Variants in FAM53A observed in about 807,000 individuals in gnomAD.
FAM53A encodes family with sequence similarity 53 member A, also known as protein FAM53A.
Under a neutral mutation model 26.6 loss-of-function variants are expected in FAM53A, and 28 were observed. The observed-to-expected ratio is 1.05, with a 90% CI of 0.78 to 1.45. The LOEUF (loss-of-function observed/expected upper bound fraction) is 1.45, where lower values mean the gene tolerates loss of function less well. Among genes scored for constraint, FAM53A ranks in the 40% most tolerant of loss-of-function variants. The pLI, the probability that FAM53A is intolerant of heterozygous loss-of-function variation, is 0.00. For missense variants in FAM53A, 650 were observed against 575.8 expected (o/e 1.13, Z -1.32); for synonymous variants, 290 against 253.1 (o/e 1.15, Z -1.38).
intron 1 of FAM53A, among the ~76,000 whole-genome samples, chr4:1,670,375 C>T (rs151217883): frequency 8.0e-4 from 122 of 152,378 alleles, no homozygotes; most frequent in African/African-American, 2.8e-3. Flanking sequence ...AGCAGCGACG[C>T]GCACAGTGGG....
the FAM53A span, among the ~76,000 whole-genome samples, chr4:1,599,225 C>T: frequency 2.8e-5 from 4 of 144,880 alleles, no homozygotes; most frequent in Non-Finnish European, 4.6e-5. This position sits in a 1 kb window ranked among gnomAD's most constrained non-coding sequence, Gnocchi z 6.1. Flanking sequence ...GGTGCCGGAG[C>T]GCAGGGCCGT....
the FAM53A span, among the ~76,000 whole-genome samples, chr4:1,588,249 TTC>T: frequency 6.6e-6 from 1 of 152,314 alleles, no homozygotes; most frequent in Non-Finnish European, 1.5e-5. Context: ...CATTTGCAGT[TTC>T]TGTTTTCCCT....
At chr4:1,684,710 C>G (rs1335355593), upstream of FAM53A, among the ~76,000 whole-genome samples, 1 of 151,666 alleles carries the variant, frequency 6.6e-6, no homozygotes, top group African/African-American at 2.4e-5. Context: ...GGCGCGCGGT[C>G]TCGGGGCCCG....
intron 1 of FAM53A, among the ~76,000 whole-genome samples, chr4:1,677,110 C>T (rs1715098933): frequency 6.6e-6 from 1 of 152,186 alleles, no homozygotes; most frequent in South Asian, 2.1e-4. Flanking sequence ...TTGCAGCTTC[C>T]TGAGAAGGGG....
At chr4:1,636,551 C>A (rs1334214585), downstream of FAM53A, among the ~76,000 whole-genome samples, 1 of 152,268 alleles carries the variant, frequency 6.6e-6, no homozygotes, top group Non-Finnish European at 1.5e-5. Context: ...GCGCTCTCCA[C>A]CTGAGCCCAC....
chr4:1,676,592 T>C (rs1253191582), intron 1 of FAM53A, among the ~76,000 whole-genome samples: 3 of 152,234 alleles, frequency 2.0e-5, no homozygotes, highest in Admixed American at 2.0e-4. Flanking sequence ...TGCAGAGGCC[T>C]CACCCCTGCC....
intron 1 of FAM53A, among the ~76,000 whole-genome samples, chr4:1,634,332 C>A (rs535070427): frequency 7.3e-4 from 111 of 152,208 alleles, no homozygotes; most frequent in South Asian, 7.3e-3. Context: ...TCCCTGCCCC[C>A]ACAACCCCTC....
chr4:1,654,929 C>A, intron 4 of FAM53A, 49 bp downstream of exon 4: 1 of 1,482,174 alleles, frequency 6.7e-7, no homozygotes, highest in South Asian at 1.4e-5. Context: ...CAGCACCGCC[C>A]TGTCCAGATC....
intron 1 of FAM53A, among the ~76,000 whole-genome samples, chr4:1,679,685 A>G (rs1479249475): frequency 1.9e-5 from 1 of 51,918 alleles, no homozygotes; most frequent in East Asian, 2.7e-4. Flanking sequence ...AAACTCCATT[A>G]AAAAAAAAAA....
At chr4:1,605,697 C>T in the FAM53A span, among the ~76,000 whole-genome samples, 3 of 152,174 alleles carry the variant, frequency 2.0e-5, no homozygotes, top group Admixed American at 1.3e-4. The surrounding 1 kb of genome is among the most constrained non-coding windows in gnomAD (Gnocchi z 5.7). Flanking sequence ...GCTCTGCCCA[C>T]GTCCTGCACT....
At chr4:1,651,998 ACACAC>A (rs1365481818) in intron 4 of FAM53A, among the ~76,000 whole-genome samples, 2 of 147,140 alleles carry the variant, frequency 1.4e-5, no homozygotes, top group Non-Finnish European at 3.0e-5. Flanking sequence ...CACCTCACAC[ACACAC>A]CACACACGTC....
chr4:1,582,275 G>C, the FAM53A span, among the ~76,000 whole-genome samples: 1 of 152,240 alleles, frequency 6.6e-6, no homozygotes, highest in South Asian at 2.1e-4. Flanking sequence ...CTATACTCCA[G>C]CCAGGCCACG....
the FAM53A span, among the ~76,000 whole-genome samples, chr4:1,603,044 G>T: frequency 6.6e-6 from 1 of 152,196 alleles, no homozygotes; most frequent in Non-Finnish European, 1.5e-5. Flanking sequence ...CACAACGAGG[G>T]CCCTGAGTTC....
intron 4 of FAM53A, among the ~76,000 whole-genome samples, chr4:1,650,435 G>A (rs1712675364): frequency 6.6e-6 from 1 of 151,244 alleles, no homozygotes; most frequent in Non-Finnish European, 1.5e-5. Flanking sequence ...CACAGGTGTG[G>A]TGTTTGACTG....
intron 1 of FAM53A, among the ~76,000 whole-genome samples, chr4:1,623,948 G>A (rs951243377): frequency 2.6e-5 from 4 of 152,144 alleles, no homozygotes; most frequent in Non-Finnish European, 5.9e-5. Context: ...ATGGGGCCAA[G>A]CCTCCCCCGG....
the FAM53A span, among the ~76,000 whole-genome samples, chr4:1,593,933 G>A: frequency 6.6e-6 from 1 of 152,214 alleles, no homozygotes; most frequent in Admixed American, 6.5e-5. Context: ...TTGACCCTGC[G>A]TGGCAAAGTC....
At position 1,684,241 on chromosome 4, in the gene FAM53A, G is replaced by T. The variant is rs1169061035; in HGVS notation, c.-173C>A. 1.3e-5 allele frequency: 2 copies of T among 151,142 alleles called. No individual in the cohort carries two copies. The highest frequency in any genetic ancestry group is 1.3e-4 in the Admixed American group (2 of 15,202). The allele number at this position is 151,142 out of a possible 1,614,324, so 9.4% of individuals were successfully genotyped here. A position where few individuals can be genotyped will look rare whatever the true frequency, so the allele number is the denominator to read the frequency against. The stretch of plus-strand genomic sequence containing the variant: ...CCGCCCGGGCTCGGTACCTGAGCGC[G>T]GCCGCGGGGGTGCGGAGCGAGAAGA... On this transcript the variant is annotated 5_prime_UTR_variant, in exon 1 of 5. Transcript: ENST00000308132.
intron 2 of FAM53A, among the ~76,000 whole-genome samples, chr4:1,667,627 C>G (rs986170944): frequency 6.6e-6 from 1 of 152,188 alleles, no homozygotes; most frequent in African/African-American, 2.4e-5. Flanking sequence ...TCACTGGAAC[C>G]CCCTGCGGTG....
At chr4:1,634,547 C>T (rs549248250) in intron 1 of FAM53A, among the ~76,000 whole-genome samples, 81 of 152,238 alleles carry the variant, frequency 5.3e-4, no homozygotes, top group African/African-American at 1.1e-3. Flanking sequence ...ATTCTCTGAA[C>T]GGAATTATGA....
Sources: allele counts gnomAD v4.1 joint callset (sites outside exome capture counted in the v4.1 genomes callset), GRCh38; gene constraint gnomAD v4.1.1; non-coding constraint Gnocchi (gnomAD v3.1); transcripts MANE v1.5; gene names NCBI Gene and HGNC (gene_info 2026-07-23, HGNC 2026-07-21).